Variants in SMIM9 observed in about 807,000 individuals in gnomAD.
The protein encoded by SMIM9 is chromosome X open reading frame 68.
In SMIM9, 8 loss-of-function variants were observed where a neutral mutation model predicts 7.2. The observed-to-expected ratio is 1.10, with a 90% confidence interval of 0.65 to 1.99. The LOEUF (loss-of-function observed/expected upper bound fraction) is 1.99. Ranked by LOEUF, SMIM9 falls within the 30% of genes most tolerant of loss-of-function variation. SMIM9 has a pLI of 0.00. For missense variants in SMIM9, 76 were observed against 69.3 expected (o/e 1.10, Z -0.34); for synonymous variants, 19 against 26.4 (o/e 0.72, Z 0.86).
intron 2 of SMIM9, among the ~76,000 whole-genome samples, chrX:154,831,290 G>A (rs1380020240): frequency 2.7e-5 from 3 of 111,287 alleles, no homozygotes; most frequent in Non-Finnish European, 5.7e-5. Context: ...ACTCTAAACA[G>A]CTCCTCATTT....
intron 1 of SMIM9, 105 bp downstream of exon 1, chrX:154,834,458 G>A (rs782670721): frequency 8.9e-6 from 1 of 112,550 alleles, no homozygotes; most frequent in South Asian, 3.7e-4. Context: ...TTGTATGCCT[G>A]TCTGACTTTT....
Position 154,830,876 on chromosome X carries a change from C to A in SMIM9, c.-20G>T, listed in dbSNP as rs1347095661. The stretch of plus-strand genomic sequence containing the variant: ...TTCCATGGACTCCCGCCTTCAGCTG[C>A]GGCTGAAGAGCTGGTAATCCTAGCT... On this transcript the variant is annotated 5_prime_UTR_variant, in exon 3 of 5. Coordinates refer to ENST00000369529, the MANE Select transcript of SMIM9 (RefSeq NM_001162936.4). 2 of 1,159,020 alleles carry A rather than the reference C, an allele frequency of 1.7e-6. No homozygotes were observed. The highest frequency in any genetic ancestry group is 1.8e-5 in the African/African-American group (1 of 55,403).
intron 3 of SMIM9, 32 bp from the exon 4 acceptor site, chrX:154,829,696 G>T (rs782802569): frequency 8.6e-7 from 1 of 1,161,122 alleles, no homozygotes; most frequent in Non-Finnish European, 1.2e-6. Flanking sequence ...TCATTGAGGA[G>T]AGGTCAAGTA....
intron 4 of SMIM9, among the ~76,000 whole-genome samples, chrX:154,824,223 G>A (rs1186253685): frequency 4.6e-5 from 5 of 109,175 alleles, no homozygotes; most frequent in East Asian, 5.7e-4. Context: ...CTGGCGTGGT[G>A]GCGGGCGCCT....
intron 3 of SMIM9, among the ~76,000 whole-genome samples, chrX:154,829,975 A>G (rs782267759): frequency 3.6e-5 from 4 of 112,229 alleles, no homozygotes; most frequent in Non-Finnish European, 5.6e-5. Flanking sequence ...TGATAACAAG[A>G]AAGTCTTTAC....
intron 4 of SMIM9, among the ~76,000 whole-genome samples, chrX:154,825,921 G>A (rs1557270213): frequency 2.0e-5 from 2 of 98,089 alleles, no homozygotes; most frequent in South Asian, 5.5e-4. Flanking sequence ...GGACTGTTGT[G>A]GGGTGGAGGG....
At chrX:154,833,520 G>C (rs1178499089) in intron 1 of SMIM9, among the ~76,000 whole-genome samples, 1 of 111,502 alleles carries the variant, frequency 9.0e-6, no homozygotes, top group Non-Finnish European at 1.9e-5. Flanking sequence ...AGCTACTCGG[G>C]AGGCTGAGGC....
At chrX:154,830,632 A>G (rs2072441033) in intron 3 of SMIM9, 83 bp downstream of exon 3, 1 of 1,063,542 alleles carries the variant, frequency 9.4e-7, no homozygotes, top group Admixed American at 3.4e-5. Flanking sequence ...TTTAAACATG[A>G]AATTCATTTT....
chrX:154,829,101 T>C (rs2078290550), intron 4 of SMIM9, among the ~76,000 whole-genome samples: 1 of 112,557 alleles, frequency 8.9e-6, no homozygotes, highest in African/African-American at 3.2e-5. Context: ...ATTAACAAAA[T>C]TTAGCTCAAC....
At chrX:154,832,893 C>G (rs1291908853) in intron 1 of SMIM9, among the ~76,000 whole-genome samples, 1 of 112,104 alleles carries the variant, frequency 8.9e-6, no homozygotes, top group Non-Finnish European at 1.9e-5. Flanking sequence ...CACATGGTAT[C>G]TAACTATGCA....
chrX:154,831,936 GA>G (rs1246766775), intron 2 of SMIM9, among the ~76,000 whole-genome samples: 4 of 110,557 alleles, frequency 3.6e-5, no homozygotes, highest in Non-Finnish European at 1.9e-5. Context: ...TTACCTGCTT[GA>G]TTTTTCTCCA....
intron 1 of SMIM9, among the ~76,000 whole-genome samples, chrX:154,833,272 A>G (rs2072452062): frequency 8.9e-6 from 1 of 112,709 alleles, no homozygotes; most frequent in Non-Finnish European, 1.9e-5. Context: ...CACAGCATAT[A>G]CGACAGACAT....
In SMIM9 at chrX:154,823,651, T is replaced by C. The variant is rs2072406119; in HGVS notation, c.*104A>G. ...GATTCAAGTTGGAAGACGATTTAATTTCAACTGATAGATACTTCCTCATTT... is the reference window on the plus strand; with the variant it reads ...GATTCAAGTTGGAAGACGATTTAATCTCAACTGATAGATACTTCCTCATTT... On this transcript the variant is annotated 3_prime_UTR_variant, in exon 5 of 5. Coordinates refer to ENST00000369529, the MANE Select transcript of SMIM9 (RefSeq NM_001162936.4). The C allele has an allele frequency of 2.8e-6, 2 of 718,849 alleles. No individual in the cohort carries two copies. Among genetic ancestry groups the C allele is most frequent in the Non-Finnish European group, 3.9e-6 (2 of 519,205 alleles). The allele number at this position is 718,849 out of a possible 1,213,427, so 59.2% of individuals were successfully genotyped here.
At chrX:154,826,937 A>G (rs1457195566) in intron 4 of SMIM9, among the ~76,000 whole-genome samples, 1 of 112,727 alleles carries the variant, frequency 8.9e-6, no homozygotes, top group Non-Finnish European at 1.9e-5. Flanking sequence ...TCTTGCCTCA[A>G]CAAACTGCTT....
At chrX:154,832,753 C>T (rs781899951) in intron 1 of SMIM9, 70 bp from the exon 2 acceptor site, 2 of 111,997 alleles carry the variant, frequency 1.8e-5, no homozygotes, top group Non-Finnish European at 3.8e-5. Context: ...CCCCCAGTCT[C>T]CTTATTTGAC....
Position 154,830,818 on chromosome X carries a change from T to C in SMIM9, c.39A>G (p.Leu13=), listed in dbSNP as rs782443981. 1.1e-5 allele frequency: 13 copies of C among 1,167,346 alleles called. No individual in the cohort carries two copies. The highest frequency in any genetic ancestry group is 1.9e-5 in the South Asian group (1 of 52,615). The change falls in exon 3 of 5, where the codon CTA becomes CTG. Residue 13 remains leucine, a synonymous_variant. Transcript: ENST00000369529. ...PQKLLIIGFL[L]CSLTCLLLET... is the part of the protein sequence containing the mutation. ...CCAACAAGAGGCAAGTTAGAGAGCA[T>C]AGCAGAAATCCAATTATCAGCAGCT...
chrX:154,824,236 A>G (rs1027850830), intron 4 of SMIM9, among the ~76,000 whole-genome samples: 4 of 108,794 alleles, frequency 3.7e-5, no homozygotes, highest in African/African-American at 1.3e-4. Context: ...GGGCGCCTGT[A>G]GTCCCAGCTA....
Position 154,830,720 on chromosome X carries a change from G to A in SMIM9, c.137C>T (p.Ser46Leu). The change falls in exon 3 of 5, where the codon TCA (serine) becomes TTA (leucine). Residue 46 changes from serine to leucine, a missense_variant. Transcript: ENST00000369529. ...CATCCTAACAGCAAACACACCCCCT[G>A]AGCGTGGTTTCGATCCTGTTTTTTC... ...IQEKTGSKPRSGGNHRSWLNN... is the reference protein window; with the variant it reads ...IQEKTGSKPRLGGNHRSWLNN... 8.6e-7 allele frequency: 1 copy of A among 1,167,437 alleles called. No homozygotes were observed. The highest frequency in any genetic ancestry group is 1.1e-6 in the Non-Finnish European group (1 of 872,727).
At chrX:154,831,151 A>G (rs2148553052) in intron 2 of SMIM9, among the ~76,000 whole-genome samples, 196 bp from the exon 3 acceptor site, 1 of 111,425 alleles carries the variant, frequency 9.0e-6, no homozygotes, top group East Asian at 2.8e-4. Flanking sequence ...ATTCCTTCCT[A>G]CACCTGATAC....
Sources: gnomAD v4.1 joint callset for allele counts (sites outside exome capture counted in the v4.1 genomes callset) on GRCh38, gnomAD v4.1.1 for gene constraint, MANE v1.5 for transcripts, NCBI Gene and HGNC (gene_info 2026-07-23, HGNC 2026-07-21) for gene names.